CADPS2: variants seen among roughly 807,000 people sequenced by gnomAD.
The protein encoded by CADPS2 is calcium-dependent secretion activator 2.
In CADPS2, 93 loss-of-function variants were observed where a neutral mutation model predicts 172.5. The ratio of observed to expected loss-of-function variants is 0.54; its 90% CI spans 0.46 to 0.64. CADPS2 has a LOEUF of 0.64. Among genes scored for constraint, CADPS2 ranks in the 30% least tolerant of loss-of-function variants. The pLI is 0.00. For missense variants in CADPS2, 1,420 were observed against 1,565.9 expected, an observed-to-expected ratio of 0.91 and a Z score of 1.57; for synonymous variants, 546 against 555.2, an observed-to-expected ratio of 0.98 and a Z score of 0.23.
At chr7:122,722,835 T>C (rs1161473854) in intron 2 of CADPS2, among the ~76,000 whole-genome samples, 3 of 151,594 alleles carry the variant, frequency 2.0e-5, no homozygotes, top group African/African-American at 2.4e-5. Context: ...AACAGAGATA[T>C]AGATCAATGG....
intron 1 of CADPS2, among the ~76,000 whole-genome samples, chr7:122,882,611 G>C (rs990297028): frequency 2.9e-5 from 4 of 138,142 alleles, no homozygotes. Context: ...AAACCACCAA[G>C]GAACCCTTTT....
chr7:122,704,999 G>A (rs1473657301), intron 2 of CADPS2, among the ~76,000 whole-genome samples: 1 of 151,964 alleles, frequency 6.6e-6, no homozygotes, highest in Non-Finnish European at 1.5e-5. Context: ...AACAGCCTGA[G>A]GAGAGAAGCA....
rs879881317 is a variant in CADPS2, at chr7:122,326,324, CTCTT to C, written c.3613-747_3613-744del. Among the ~76,000 whole-genome samples the C allele has an allele frequency of 3.8e-4, 58 of 152,152 alleles. 1 individual carries two copies. In the Middle Eastern group the frequency reaches 0.01, roughly 27 times the overall value. ...CATAATTTTTCTGTTTATTACAACT[CTCTT>C]AAGAGAAAAACTGAAATTCTTCTTT... On this transcript the variant is annotated intron_variant, in intron 28 of 29. Coordinates refer to ENST00000449022, the MANE Select transcript of CADPS2 (RefSeq NM_017954.11).
At chr7:122,406,183 T>G (rs1490167874) in intron 20 of CADPS2, among the ~76,000 whole-genome samples, 1 of 152,148 alleles carries the variant, frequency 6.6e-6, no homozygotes, top group African/African-American at 2.4e-5. Flanking sequence ...ACCAGTTTTA[T>G]CACAGACTCA....
intron 1 of CADPS2, among the ~76,000 whole-genome samples, chr7:122,834,185 T>A (rs886065735): frequency 2.0e-5 from 3 of 152,076 alleles, no homozygotes; most frequent in East Asian, 3.9e-4. Flanking sequence ...GGTAATATGG[T>A]AGAAAGTAAG....
At chr7:122,750,975 A>AT (rs1588975897) in intron 1 of CADPS2, among the ~76,000 whole-genome samples, 1 of 152,062 alleles carries the variant, frequency 6.6e-6, no homozygotes, top group East Asian at 1.9e-4. Context: ...AACCCCTAAA[A>AT]TTTTTTTTGG....
At chr7:122,791,119 T>C (rs1451715670) in intron 1 of CADPS2, among the ~76,000 whole-genome samples, 1 of 152,148 alleles carries the variant, frequency 6.6e-6, no homozygotes, top group Non-Finnish European at 1.5e-5. Context: ...TTGTATAAGA[T>C]TGTATCAACG....
intron 2 of CADPS2, among the ~76,000 whole-genome samples, chr7:122,716,803 C>T (rs573235944): frequency 3.3e-5 from 5 of 152,092 alleles, no homozygotes; most frequent in Admixed American, 3.3e-4. Flanking sequence ...ACTGACTCTG[C>T]TAATATGGTG....
intron 1 of CADPS2, among the ~76,000 whole-genome samples, chr7:122,751,745 C>T (rs2092961290): frequency 6.6e-6 from 1 of 152,088 alleles, no homozygotes; most frequent in African/African-American, 2.4e-5. Flanking sequence ...CTACACTGAT[C>T]CAAAGAGAAA....
Position 122,855,880 on chromosome 7 carries a change from C to T in CADPS2, c.339+30119G>A, listed in dbSNP as rs565798999. ...TAACTCTCATTCCAAATCCCTTCTC[C>T]TCTCTTTTCCTCCAGGACAGAGACT... On this transcript the variant is annotated intron_variant, in intron 1 of 29. Coordinates refer to ENST00000449022, the MANE Select transcript of CADPS2 (RefSeq NM_017954.11). Among the ~76,000 whole-genome samples, 30 of 152,286 alleles carry T rather than the reference C, an allele frequency of 2.0e-4. No individual in the cohort carries two copies. In the South Asian group the frequency reaches 6.2e-3, roughly 32 times the overall value.
At chr7:122,513,959 T>C (rs1014897327) in intron 8 of CADPS2, among the ~76,000 whole-genome samples, 3 of 152,332 alleles carry the variant, frequency 2.0e-5, no homozygotes, top group South Asian at 2.1e-4. Context: ...TAGTTTTACA[T>C]AGTTTCAACC....
At chr7:122,723,349 C>T (rs1433330696) in intron 2 of CADPS2, among the ~76,000 whole-genome samples, 5 of 152,088 alleles carry the variant, frequency 3.3e-5, no homozygotes, top group African/African-American at 9.6e-5. Flanking sequence ...AAAACAACCC[C>T]ATCAAAAAGT....
chr7:122,368,833 G>A lies in CADPS2; in HGVS notation c.3388-7820C>T, dbSNP rs137989351. Among the ~76,000 whole-genome samples, 865 of 152,140 alleles carry A rather than the reference G, an allele frequency of 5.7e-3. 8 individuals are homozygous for A. Among genetic ancestry groups the A allele is most frequent in the African/African-American group, 0.02 (837 of 41,508 alleles). ...CAGCAGGCTCCATGCAGATATGTGC[G>A]TAGGACTTTTGTTCTAGATTGAGAA... On this transcript the variant is annotated intron_variant, in intron 25 of 29. Transcript: ENST00000449022.
chr7:122,556,046 A>G (rs2064990239), intron 7 of CADPS2, among the ~76,000 whole-genome samples: 1 of 152,106 alleles, frequency 6.6e-6, no homozygotes, highest in South Asian at 2.1e-4. Context: ...CTATAAAGCC[A>G]TAGCTGTGTT....
In CADPS2 at chr7:122,732,191, T is replaced by C. The variant is rs532333021; in HGVS notation, c.453+4764A>G. 1.5e-4 allele frequency among the ~76,000 whole-genome samples: 23 copies of C among 151,704 alleles called. No homozygotes were observed. The East Asian group carries it at 4.5e-3, about 29-fold the overall frequency. ...AATCTAGCTGAAAGAAATTATTTCC[T>C]TTAAAAAAATGTACCAAGAAGAAAT... On this transcript the variant is annotated intron_variant, in intron 2 of 29. Transcript: ENST00000449022.
chr7:122,722,098 A>C (rs1393166721), intron 2 of CADPS2, among the ~76,000 whole-genome samples: 3 of 152,160 alleles, frequency 2.0e-5, no homozygotes, highest in African/African-American at 4.8e-5. Context: ...CTGAATGGGC[A>C]AAAACTGGAA....
chr7:122,530,002 A>G (rs906865329), intron 8 of CADPS2, among the ~76,000 whole-genome samples: 11 of 152,200 alleles, frequency 7.2e-5, no homozygotes, highest in African/African-American at 2.4e-4. Context: ...TAGACTCTAT[A>G]AGACATATTT....
intron 1 of CADPS2, among the ~76,000 whole-genome samples, chr7:122,796,872 T>A (rs1342993835): frequency 6.6e-6 from 1 of 151,694 alleles, no homozygotes; most frequent in East Asian, 1.9e-4. Context: ...ATGAATGGGA[T>A]CTAACTCAAC....
chr7:122,411,503 A>C (rs1428709918), intron 19 of CADPS2, among the ~76,000 whole-genome samples: 2 of 152,156 alleles, frequency 1.3e-5, no homozygotes, highest in Non-Finnish European at 2.9e-5. Context: ...TACAGGTGTG[A>C]GCCACCGCAC....
Sources: allele counts gnomAD v4.1 joint callset (sites outside exome capture counted in the v4.1 genomes callset), GRCh38; gene constraint gnomAD v4.1.1; transcripts MANE v1.5; gene names NCBI Gene and HGNC (gene_info 2026-07-23, HGNC 2026-07-21).